The following MYO5B variants were observed in gnomAD, a reference collection of about 807,000 sequenced individuals.
MYO5B encodes unconventional myosin-Vb.
A neutral mutation model predicts 229.3 loss-of-function variants in MYO5B; 143 were observed. That is an observed-to-expected ratio of 0.62 (90% CI 0.54 to 0.72). The LOEUF is 0.72. Among genes scored for constraint, MYO5B ranks in the 30% least tolerant of loss-of-function variants. The pLI, the probability that MYO5B is intolerant of heterozygous loss-of-function variation, is 0.00. For missense variants in MYO5B, 2,321 were observed against 2,331.0 expected, an observed-to-expected ratio of 1.00 and a Z score of 0.09; for synonymous variants, 918 against 885.2, an observed-to-expected ratio of 1.04 and a Z score of -0.66.
chr18:49,826,478 T>G lies in MYO5B; in HGVS notation c.5540A>C (p.Glu1847Ala). 6.2e-7 allele frequency: 1 copy of G among 1,613,968 alleles called. No homozygotes were observed. The change falls in exon 40 of 40, where the codon GAA (glutamate) becomes GCA (alanine). Residue 1847 changes from glutamate to alanine, a missense_variant. Transcript: ENST00000285039. ...TGCTGGAAACATGCATCTTCAGACT[T>G]CATTGAGGAATTCCAGATTGAGACA... is the stretch of plus-strand genomic sequence containing the variant. ...PACLNLEFLN[E>A]V
intron 18 of MYO5B, among the ~76,000 whole-genome samples, chr18:49,907,826 G>A (rs2024916150): frequency 6.6e-6 from 1 of 152,258 alleles, no homozygotes. Context: ...TGCTCGTGAA[G>A]CTGGCAAGAG....
chr18:50,076,866 T>G (rs1431449630), intron 1 of MYO5B, among the ~76,000 whole-genome samples: 2 of 151,726 alleles, frequency 1.3e-5, no homozygotes, highest in Non-Finnish European at 2.9e-5. Context: ...AGTTGGGACA[T>G]TCACACTTCA....
rs770211492 is a variant in MYO5B at position 49,963,008 on chromosome 18, TG to T, written c.1344del (p.Asn448LysfsTer32). On this transcript the variant is annotated frameshift_variant, in exon 11 of 40. Coordinates refer to ENST00000285039, the MANE Select transcript of MYO5B (RefSeq NM_001080467.3). LOFTEE classifies it high-confidence loss of function. ...TAGTTGATACAGAACTGCTCAAAGC[TG>T]TTTACCTCAAATGTCTCAAACCTAC... ...DIYGFETFEV[N>X]SFEQFCINYA... 6.2e-7 allele frequency: 1 copy of T among 1,614,062 alleles called. No homozygotes were observed.
intron 2 of MYO5B, among the ~76,000 whole-genome samples, chr18:50,046,897 T>A (rs2074305326): frequency 6.7e-5 from 10 of 149,606 alleles, no homozygotes; most frequent in South Asian, 2.1e-4. Flanking sequence ...TGTAGAAAGC[T>A]GAAACTGGAT....
intron 1 of MYO5B, among the ~76,000 whole-genome samples, chr18:50,086,814 G>A (rs549905896): frequency 3.9e-4 from 59 of 152,294 alleles, no homozygotes; most frequent in African/African-American, 1.3e-3. Context: ...CAGTAGAGGA[G>A]ATGAGCAGGC....
At chr18:50,154,641 G>A (rs2032652200) in intron 1 of MYO5B, among the ~76,000 whole-genome samples, 1 of 152,166 alleles carries the variant, frequency 6.6e-6, no homozygotes, top group Admixed American at 6.5e-5. Flanking sequence ...CAATATGCTT[G>A]ACAAGCAAAA....
At chr18:50,107,532 T>G (rs2031784440) in intron 1 of MYO5B, among the ~76,000 whole-genome samples, 1 of 152,152 alleles carries the variant, frequency 6.6e-6, no homozygotes, top group Admixed American at 6.5e-5. Context: ...GATCCCAGAT[T>G]CCATTACCAT....
intron 30 of MYO5B, among the ~76,000 whole-genome samples, chr18:49,855,861 G>A (rs919452743): frequency 3.9e-5 from 6 of 152,238 alleles, no homozygotes; most frequent in South Asian, 2.1e-4. Context: ...GAAGCAGCAT[G>A]AGGGCTTCTG....
rs767203225 is a variant in MYO5B at position 49,906,422 on chromosome 18, C to T, written c.2411G>A (p.Arg804His). ...LQRYCRGHLARRLAEHLRRIR... is the reference protein window; with the variant it reads ...LQRYCRGHLAHRLAEHLRRIR... ...GAGCTGCCACAGTCTGGCTCACCTG[C>T]GGGCCAGGTGTCCCCGGCAGTACCT... The change falls in exon 19 of 40, where the codon CGC becomes CAC. Residue 804 changes from arginine to histidine, a missense_variant. By Grantham distance (29) the Arg-to-His change is conservative. Transcript: ENST00000285039. 205 of 1,613,826 alleles carry T rather than the reference C, an allele frequency of 1.3e-4. No individual in the cohort carries two copies. Among genetic ancestry groups the T allele is most frequent in the Middle Eastern group, 1.6e-4 (1 of 6,082 alleles).
At chr18:50,042,335 T>C (rs1308836659) in intron 2 of MYO5B, among the ~76,000 whole-genome samples, 1 of 152,232 alleles carries the variant, frequency 6.6e-6, no homozygotes. Context: ...ATAAAGTTTG[T>C]AAGAGAATTC....
chr18:50,122,030 C>A (rs2032065988), intron 1 of MYO5B, among the ~76,000 whole-genome samples: 5 of 152,218 alleles, frequency 3.3e-5, no homozygotes, highest in Admixed American at 3.3e-4. Flanking sequence ...CAGGACTGAA[C>A]CGACCCCCAA....
At position 49,824,135 on chromosome 18, in the gene MYO5B, TTTGAA is replaced by T. The variant is rs1459713508; in HGVS notation, c.*2331_*2335del. On this transcript the variant is annotated 3_prime_UTR_variant, in exon 40 of 40. Transcript: ENST00000285039. Reference sequence around the variant, plus strand: ...ACTGATTTCATGACACTGATAAATGTTTGAATTGAAATGATTTTTTAAAATGCAGA... The same window carrying T: ...ACTGATTTCATGACACTGATAAATGTTTGAAATGATTTTTTAAAATGCAGA... 6.6e-6 allele frequency: 1 copy of T among 152,476 alleles called. No individual in the cohort carries two copies. Among genetic ancestry groups the T allele is most frequent in the African/African-American group, 2.4e-5 (1 of 41,466 alleles). The allele number at this position is 152,476 out of a possible 1,614,324, so 9.4% of individuals were successfully genotyped here.
chr18:49,853,368 T>G (rs2024223903), intron 31 of MYO5B, 81 bp downstream of exon 31: 1 of 1,456,956 alleles, frequency 6.9e-7, no homozygotes, highest in Non-Finnish European at 9.6e-7. Context: ...CCTTGTCAGT[T>G]TTGCCAAAGG....
intron 10 of MYO5B, among the ~76,000 whole-genome samples, chr18:49,972,368 G>T (rs932859494): frequency 6.6e-6 from 1 of 152,092 alleles, no homozygotes; most frequent in African/African-American, 2.4e-5. Context: ...CCTAAGAACA[G>T]CAAAAAACCC....
chr18:50,172,042 A>G (rs931113213), intron 1 of MYO5B, among the ~76,000 whole-genome samples: 7 of 152,160 alleles, frequency 4.6e-5, no homozygotes, highest in African/African-American at 1.7e-4. Flanking sequence ...CCACCCCTGG[A>G]GGCCTCATGT....
At chr18:49,944,639 A>C (rs2025351286) in intron 14 of MYO5B, among the ~76,000 whole-genome samples, 1 of 152,030 alleles carries the variant, frequency 6.6e-6, no homozygotes, top group Non-Finnish European at 1.5e-5. Context: ...TATAAATGGA[A>C]GAGCTGACCA....
At chr18:50,058,018 T>C (rs1183548536) in intron 1 of MYO5B, among the ~76,000 whole-genome samples, 1 of 152,142 alleles carries the variant, frequency 6.6e-6, no homozygotes, top group Non-Finnish European at 1.5e-5. Flanking sequence ...GAGTTAAGAA[T>C]GGTTGAAAAA....
At chr18:50,181,118 T>C (rs1010562814) in intron 1 of MYO5B, among the ~76,000 whole-genome samples, 7 of 152,252 alleles carry the variant, frequency 4.6e-5, no homozygotes, top group Non-Finnish European at 8.8e-5. Flanking sequence ...TCCATGTGAT[T>C]TTTAAATCAA....
intron 1 of MYO5B, among the ~76,000 whole-genome samples, chr18:50,161,317 G>A (rs556011732): frequency 2.0e-5 from 3 of 152,246 alleles, no homozygotes; most frequent in African/African-American, 7.2e-5. Flanking sequence ...TTGGGAGGTG[G>A]AGGTTGCAGT....
Sources: allele counts gnomAD v4.1 joint callset (sites outside exome capture counted in the v4.1 genomes callset), GRCh38; gene constraint gnomAD v4.1.1; transcripts MANE v1.5; gene names NCBI Gene and HGNC (gene_info 2026-07-23, HGNC 2026-07-21).